The following ZFYVE9 variants were observed in gnomAD, a reference collection of about 807,000 sequenced individuals.
ZFYVE9 encodes the protein zinc finger FYVE-type containing 9, also known as zinc finger FYVE domain-containing protein 9.
In ZFYVE9, 43 loss-of-function variants were observed where a neutral mutation model predicts 126.7. The observed-to-expected ratio is 0.34, with a 90% CI of 0.27 to 0.44. The LOEUF (loss-of-function observed/expected upper bound fraction) is 0.44. ZFYVE9 is among the 20% of genes least tolerant of loss of function. The pLI is 1.00. For missense variants in ZFYVE9, 1,476 were observed against 1,697.0 expected (o/e 0.87, Z 2.29); for synonymous variants, 521 against 597.4 (o/e 0.87, Z 1.87).
intron 13 of ZFYVE9, among the ~76,000 whole-genome samples, chr1:52,311,287 G>A (rs1000780712): frequency 7.6e-5 from 11 of 144,544 alleles, no homozygotes; most frequent in Non-Finnish European, 1.2e-4. Flanking sequence ...TTTTTGAGAT[G>A]GAGTTTCACT....
rs748557900 is a variant in ZFYVE9 at position 52,238,083 on chromosome 1, G to A, written c.666G>A (p.Glu222=). ...ATCCATTGAATAGACCGAAAACAGA[G>A]GGGAGATCTGTTAACCATCTGTGTC... ...QMDPLNRPKT[E]GRSVNHLCPT... Residue 222 remains glutamate (E), a synonymous_variant, in exon 4 of 19, where the codon GAG becomes GAA. Coordinates refer to ENST00000287727, the MANE Select transcript of ZFYVE9 (RefSeq NM_004799.4). The A allele has an allele frequency of 6.2e-7, 1 of 1,614,038 alleles. No homozygotes were observed. Among genetic ancestry groups the A allele is most frequent in the Non-Finnish European group, 8.5e-7 (1 of 1,179,966 alleles).
chr1:52,258,587 AG>A (rs1344825939), intron 4 of ZFYVE9, among the ~76,000 whole-genome samples: 5 of 152,352 alleles, frequency 3.3e-5, no homozygotes, highest in Admixed American at 2.0e-4. Context: ...TGATCTTTTT[AG>A]GCAAAATTGA....
chr1:52,258,372 A>G (rs1645543175), intron 4 of ZFYVE9, among the ~76,000 whole-genome samples: 1 of 152,182 alleles, frequency 6.6e-6, no homozygotes, highest in Middle Eastern at 3.2e-3. Context: ...CTTAGATGGT[A>G]TATGGAATAT....
intron 1 of ZFYVE9, among the ~76,000 whole-genome samples, chr1:52,152,408 TATCCGA>T (rs1644366102): frequency 6.6e-6 from 1 of 152,230 alleles, no homozygotes; most frequent in African/African-American, 2.4e-5. Context: ...ACCCTCACCG[TATCCGA>T]GACTTTGAAC....
At chr1:52,273,484 AC>A (rs1645714670) in intron 7 of ZFYVE9, among the ~76,000 whole-genome samples, 1 of 152,140 alleles carries the variant, frequency 6.6e-6, no homozygotes, top group Non-Finnish European at 1.5e-5. Flanking sequence ...ATGTTTTGCA[AC>A]CTTATACTTC....
chr1:52,155,514 G>C (rs1030981365), intron 1 of ZFYVE9, among the ~76,000 whole-genome samples: 11 of 152,282 alleles, frequency 7.2e-5, no homozygotes, highest in African/African-American at 2.4e-4. Context: ...GATTACAGGC[G>C]TGAGCCACCA....
intron 1 of ZFYVE9, among the ~76,000 whole-genome samples, chr1:52,172,339 T>G (rs1413818209): frequency 2.0e-5 from 3 of 152,230 alleles, no homozygotes; most frequent in African/African-American, 7.2e-5. Context: ...CTGAGGGCTC[T>G]GTTCTGTTCC....
At chr1:52,228,504 TC>T (rs927627026) in intron 2 of ZFYVE9, among the ~76,000 whole-genome samples, 10 of 152,176 alleles carry the variant, frequency 6.6e-5, no homozygotes, top group African/African-American at 2.4e-4. Context: ...CATATATCCT[TC>T]AGCTAGAGTT....
intron 1 of ZFYVE9, among the ~76,000 whole-genome samples, chr1:52,187,534 G>C (rs1644775869): frequency 6.6e-6 from 1 of 152,076 alleles, no homozygotes; most frequent in African/African-American, 2.4e-5. Context: ...TACAGAATGG[G>C]AGAAAATTTT....
At chr1:52,264,719 A>AC (rs1426480100) in intron 5 of ZFYVE9, among the ~76,000 whole-genome samples, 1 of 151,860 alleles carries the variant, frequency 6.6e-6, no homozygotes, top group Non-Finnish European at 1.5e-5. Flanking sequence ...CTGCTCTGAG[A>AC]CCCCTCCTGC....
At chr1:52,180,197 A>G in intron 1 of ZFYVE9, 1 of 1,571,568 alleles carries the variant, frequency 6.4e-7, no homozygotes, top group Admixed American at 1.7e-5. Context: ...ACCTTTACAA[A>G]CAAGGAATTC....
chr1:52,263,753 T>TTGGGGGCC lies in ZFYVE9; in HGVS notation c.2179-20_2179-19insTGGGGGCC. On this transcript the variant is annotated intron_variant, in intron 4 of 18. Coordinates refer to ENST00000287727, the MANE Select transcript of ZFYVE9 (RefSeq NM_004799.4). ...ATCCCAAGTAAATTTTGTGTGTTCT[T>TTGGGGGCC]CCCCCCCCCCCCCCCACAGGTTTTC... The TTGGGGGCC allele has an allele frequency of 1.4e-6, 1 of 713,092 alleles. No individual in the cohort carries two copies. Among genetic ancestry groups the TTGGGGGCC allele is most frequent in the Non-Finnish European group, 2.0e-6 (1 of 490,714 alleles). 44.2% of individuals were successfully genotyped at this position (713,092 alleles called of 1,614,324 possible).
chr1:52,158,467 G>A (rs1300062478), intron 1 of ZFYVE9, among the ~76,000 whole-genome samples: 4 of 152,188 alleles, frequency 2.6e-5, no homozygotes, highest in Non-Finnish European at 5.9e-5. Context: ...ACTCATCCCT[G>A]AAGACTCAGA....
intron 17 of ZFYVE9, among the ~76,000 whole-genome samples, chr1:52,341,521 G>A (rs773644490): frequency 1.6e-4 from 24 of 152,176 alleles, no homozygotes; most frequent in East Asian, 1.9e-4. Flanking sequence ...AAAAGTTCTC[G>A]TAAGCTGGTA....
chr1:52,251,040 TG>T (rs1325856204), intron 4 of ZFYVE9, among the ~76,000 whole-genome samples: 76 of 143,180 alleles, frequency 5.3e-4, no homozygotes, highest in African/African-American at 1.9e-3. Context: ...TTGTTGTTGT[TG>T]TTGTTGTTGT....
At chr1:52,342,963 G>A (rs1414473638) in intron 17 of ZFYVE9, among the ~76,000 whole-genome samples, 5 of 151,278 alleles carry the variant, frequency 3.3e-5, no homozygotes, top group Non-Finnish European at 7.4e-5. Context: ...CTGGAGTGCA[G>A]TGGTGTGATC....
At chr1:52,243,435 A>C (rs746803855) in intron 4 of ZFYVE9, among the ~76,000 whole-genome samples, 2 of 152,230 alleles carry the variant, frequency 1.3e-5, no homozygotes, top group African/African-American at 2.4e-5. Flanking sequence ...TTCTTCAAAG[A>C]ACAGAGAAAA....
chr1:52,217,403 C>T lies in ZFYVE9; in HGVS notation c.-37+929C>T, dbSNP rs903192430. Among the ~76,000 whole-genome samples the T allele has an allele frequency of 3.9e-5, 6 of 152,296 alleles. No individual in the cohort carries two copies. The South Asian group carries it at 8.3e-4, about 21-fold the overall frequency. ...TGAGTCTTTGAAGAGGAACTCAAGT[C>T]GTCCCAACAATTTCCCCTCTTCTGT... On this transcript the variant is annotated intron_variant, in intron 2 of 18. Coordinates refer to ENST00000287727, the MANE Select transcript of ZFYVE9 (RefSeq NM_004799.4).
rs764010465 is a variant in ZFYVE9, at chr1:52,239,259, A to C, written c.1842A>C (p.Lys614Asn). Residue 614 changes from lysine (K) to asparagine (N), a missense_variant, in exon 4 of 19, where the codon AAA becomes AAC. Physicochemically the swap from Lys to Asn is moderately conservative, Grantham distance 94. Transcript: ENST00000287727. ...ACAGTGGAAATAATACTAAAAATAAAAATGATATTCTTGGGAAAGCAAAAT... is the reference window on the plus strand; with the variant it reads ...ACAGTGGAAATAATACTAAAAATAACAATGATATTCTTGGGAAAGCAAAAT... ...PANSGNNTKN[K>N]NDILGKAKLG... The C allele has an allele frequency of 4.3e-6, 7 of 1,614,172 alleles. No individual in the cohort carries two copies. The highest frequency in any genetic ancestry group is 4.2e-6 in the Non-Finnish European group (5 of 1,180,022).
Sources: allele counts gnomAD v4.1 joint callset (sites outside exome capture counted in the v4.1 genomes callset), GRCh38; gene constraint gnomAD v4.1.1; transcripts MANE v1.5; gene names NCBI Gene and HGNC (gene_info 2026-07-23, HGNC 2026-07-21).